RWDD3: variants seen among roughly 807,000 people sequenced by gnomAD.
RWDD3 encodes RWD domain-containing protein 3.
In RWDD3, 30 loss-of-function variants were observed where a neutral mutation model predicts 26.5. That is an observed-to-expected ratio of 1.13 (90% CI 0.85 to 1.54). RWDD3 has a LOEUF of 1.54. Among genes scored for constraint, RWDD3 ranks in the 40% most tolerant of loss-of-function variants. The pLI is 0.00. For missense variants in RWDD3, 296 were observed against 309.1 expected (o/e 0.96, Z 0.32); for synonymous variants, 113 against 114.5 (o/e 0.99, Z 0.09).
chr1:95,236,631 T>G (rs1011491712), intron 1 of RWDD3, among the ~76,000 whole-genome samples: 1 of 152,224 alleles, frequency 6.6e-6, no homozygotes, highest in Non-Finnish European at 1.5e-5. Context: ...TTTTAGTGTT[T>G]TCTTGTCATC....
chr1:95,240,710 G>T (rs1199350195), intron 1 of RWDD3, among the ~76,000 whole-genome samples: 2 of 152,114 alleles, frequency 1.3e-5, no homozygotes, highest in Non-Finnish European at 2.9e-5. Context: ...GGATAATTTG[G>T]TGTGGGGAGA....
At chr1:95,239,352 G>A (rs1680507552) in intron 1 of RWDD3, among the ~76,000 whole-genome samples, 1 of 152,130 alleles carries the variant, frequency 6.6e-6, no homozygotes, top group Non-Finnish European at 1.5e-5. Context: ...CAGACTTACA[G>A]TGCATGTGTC....
At chr1:95,240,731 G>A (rs773000779) in intron 1 of RWDD3, among the ~76,000 whole-genome samples, 14 of 152,014 alleles carry the variant, frequency 9.2e-5, no homozygotes, top group South Asian at 4.1e-4. Context: ...GGCAGGCGGC[G>A]AGGAGACCAC....
rs201020669 is a variant in RWDD3, at chr1:95,234,255, C to T, written c.25C>T (p.Leu9Phe). The T allele has an allele frequency of 3.4e-4, 546 of 1,596,596 alleles. No homozygotes were observed. Among genetic ancestry groups the T allele is most frequent in the Non-Finnish European group, 3.4e-4 (402 of 1,172,184 alleles). The change falls in exon 1 of 4, where the codon CTC (leucine) becomes TTC (phenylalanine). Residue 9 changes from leucine to phenylalanine, a missense_variant. By Grantham distance (22) the Leu-to-Phe change is conservative (BLOSUM62 0). Coordinates refer to ENST00000370202, the MANE Select transcript of RWDD3 (RefSeq NM_015485.5). ...CATGGCGGAGCCTGTGCAGGAGGAG[C>T]TCTCGGTCCTGGCCGCGATTTTCTG... MAEPVQEE[L>F]SVLAAIFCRP...
At chr1:95,244,799 A>C (rs1022141484) in intron 2 of RWDD3, 101 bp downstream of exon 2, 90 of 1,294,652 alleles carry the variant, frequency 7.0e-5, no homozygotes, top group Middle Eastern at 2.3e-4. Context: ...TTAATTATTA[A>C]GATGTTTCTG....
chr1:95,237,977 A>C (rs1362882328), intron 1 of RWDD3, among the ~76,000 whole-genome samples: 1 of 152,204 alleles, frequency 6.6e-6, no homozygotes, highest in African/African-American at 2.4e-5. Flanking sequence ...AAAAGATATG[A>C]GTGTGAGCCA....
chr1:95,244,794 T>G, intron 2 of RWDD3, 96 bp downstream of exon 2: 1 of 1,314,928 alleles, frequency 7.6e-7, no homozygotes, highest in Non-Finnish European at 1.0e-6. Context: ...ATAGATTAAT[T>G]ATTAAGATGT....
In RWDD3 at chr1:95,244,589, A is replaced by G; in HGVS notation, c.464A>G (p.Tyr155Cys). ...HLDHMRAKTK[Y>C]VKIVEKWASD... ...GATCACATGAGAGCAAAGACTAAAT[A>G]TGTCAAAATTGTGGAGAAGTGGGCT... Residue 155 changes from tyrosine (Y) to cysteine (C), a missense_variant, in exon 2 of 4, where the codon TAT (tyrosine) becomes TGT (cysteine). Tyr to Cys is a radical substitution (Grantham distance 194). Coordinates refer to ENST00000370202, the MANE Select transcript of RWDD3 (RefSeq NM_015485.5). The G allele has an allele frequency of 6.2e-7, 1 of 1,614,192 alleles. No individual in the cohort carries two copies. Among genetic ancestry groups the G allele is most frequent in the Non-Finnish European group, 8.5e-7 (1 of 1,180,036 alleles).
At chr1:95,241,278 G>A (rs1000081823) in intron 1 of RWDD3, among the ~76,000 whole-genome samples, 57 of 152,134 alleles carry the variant, frequency 3.7e-4, no homozygotes, top group Non-Finnish European at 1.5e-4. Context: ...AACCCAGATG[G>A]ATTTGGACAG....
intron 1 of RWDD3, among the ~76,000 whole-genome samples, chr1:95,236,743 C>T (rs1271213392): frequency 2.6e-5 from 4 of 152,156 alleles, no homozygotes; most frequent in African/African-American, 9.7e-5. Flanking sequence ...AAGAGATCAT[C>T]AGTTTTCCTA....
At position 95,234,210 on chromosome 1, in the gene RWDD3, G is replaced by T; in HGVS notation, c.-21G>T. ...CTGCGGCAGCGGAAGGGGAAGCGCT[G>T]AGGCGGTGGGGCCCACAGCCATGGC... On this transcript the variant is annotated 5_prime_UTR_variant, in exon 1 of 4. Coordinates refer to ENST00000370202, the MANE Select transcript of RWDD3 (RefSeq NM_015485.5). 1 of 1,570,252 alleles carries T rather than the reference G, an allele frequency of 6.4e-7. No homozygotes were observed. The highest frequency in any genetic ancestry group is 2.3e-5 in the East Asian group (1 of 42,568).
At chr1:95,242,547 A>G (rs1310863459) in intron 1 of RWDD3, among the ~76,000 whole-genome samples, 2 of 152,216 alleles carry the variant, frequency 1.3e-5, no homozygotes, top group Non-Finnish European at 2.9e-5. Flanking sequence ...TCTATTTGTA[A>G]TGTCTGTTTT....
At chr1:95,235,364 T>C in intron 1 of RWDD3, among the ~76,000 whole-genome samples, 1 of 117,382 alleles carries the variant, frequency 8.5e-6, no homozygotes, top group African/African-American at 3.2e-5. Context: ...TTTTTTTTTT[T>C]TTTTTTTTTT....
At chr1:95,235,765 C>G (rs978091881) in intron 1 of RWDD3, among the ~76,000 whole-genome samples, 2 of 151,930 alleles carry the variant, frequency 1.3e-5, no homozygotes, top group African/African-American at 2.4e-5. Context: ...TCAGAGACAC[C>G]GCTACCCATG....
At chr1:95,240,329 C>T (rs1310105910) in intron 1 of RWDD3, among the ~76,000 whole-genome samples, 1 of 152,136 alleles carries the variant, frequency 6.6e-6, no homozygotes, top group Non-Finnish European at 1.5e-5. Flanking sequence ...TTTTGTATCC[C>T]CCCATTTTGG....
At chr1:95,242,827 G>A (rs1485543463) in intron 1 of RWDD3, among the ~76,000 whole-genome samples, 1 of 152,072 alleles carries the variant, frequency 6.6e-6, no homozygotes, top group African/African-American at 2.4e-5. Context: ...GCTGAGGCAG[G>A]AGAATTGCTT....
chr1:95,239,304 TTTC>T (rs1223339646), intron 1 of RWDD3, among the ~76,000 whole-genome samples: 3 of 152,202 alleles, frequency 2.0e-5, no homozygotes, highest in Non-Finnish European at 4.4e-5. Flanking sequence ...GCAACTTTGT[TTTC>T]TTTTTTATTA....
intron 1 of RWDD3, chr1:95,239,926 C>T: frequency 1.6e-6 from 2 of 1,289,622 alleles, no homozygotes; most frequent in Non-Finnish European, 2.0e-6. Flanking sequence ...GTTTATATGG[C>T]ACAGGTTGGA....
intron 1 of RWDD3, among the ~76,000 whole-genome samples, chr1:95,242,385 T>A (rs2101114830): frequency 6.6e-6 from 1 of 152,292 alleles, no homozygotes; most frequent in East Asian, 1.9e-4. Context: ...GTACAGTGCC[T>A]TGAGCTTAGT....
Sources: gnomAD v4.1 joint callset for allele counts (sites outside exome capture counted in the v4.1 genomes callset) on GRCh38, gnomAD v4.1.1 for gene constraint, MANE v1.5 for transcripts, NCBI Gene and HGNC (gene_info 2026-07-23, HGNC 2026-07-21) for gene names.